The following RS1 variants were observed in gnomAD, a reference collection of about 807,000 sequenced individuals.
RS1 encodes retinoschisin.
RS1 carries 2 observed loss-of-function variants against 20.8 expected under a neutral mutation model. The observed-to-expected ratio is 0.10, with a 90% CI of 0.04 to 0.30. The LOEUF is 0.30. Ranked by LOEUF, RS1 falls within the 10% of genes least tolerant of loss-of-function variation. The probability of loss-of-function intolerance (pLI) is 1.00; values close to 1 mark genes in which losing one functional copy is unlikely to be tolerated. For missense variants in RS1, 151 were observed against 189.8 expected, an observed-to-expected ratio of 0.80 and a Z score of 1.20; for synonymous variants, 70 against 75.8, an observed-to-expected ratio of 0.92 and a Z score of 0.40.
At chrX:18,665,250 G>A (rs1928385466) in intron 1 of RS1, among the ~76,000 whole-genome samples, 1 of 112,258 alleles carries the variant, frequency 8.9e-6, no homozygotes, top group African/African-American at 3.2e-5. Context: ...GAGGCAGTGA[G>A]GTGCAAACCT....
At position 18,654,733 on chromosome X, in the gene RS1, G is replaced by A. The variant is rs776477297; in HGVS notation, c.184+1920C>T. On this transcript the variant is annotated intron_variant, in intron 3 of 5. Coordinates refer to ENST00000379984, the MANE Select transcript of RS1 (RefSeq NM_000330.4). ...GGATGTCTGATAGGAAAAGCCCACC[G>A]GTTTCCTCACGATTGGGACCCCATA... 9.0e-5 allele frequency among the ~76,000 whole-genome samples: 10 copies of A among 111,673 alleles called. No individual in the cohort carries two copies. In the East Asian group the frequency reaches 2.8e-3, roughly 31 times the overall value.
intron 3 of RS1, among the ~76,000 whole-genome samples, chrX:18,651,552 T>C (rs1443723108): frequency 2.7e-5 from 3 of 110,584 alleles, no homozygotes; most frequent in Non-Finnish European, 5.7e-5. Flanking sequence ...CTTGGGAAGG[T>C]CCCTCGGACT....
At chrX:18,645,525 G>T (rs1415268743) in intron 4 of RS1, among the ~76,000 whole-genome samples, 1 of 108,862 alleles carries the variant, frequency 9.2e-6, no homozygotes, top group Non-Finnish European at 1.9e-5. Context: ...ACCATCCTGG[G>T]CCCCTCCTCT....
chrX:18,646,528 C>T (rs1256832712), intron 4 of RS1, among the ~76,000 whole-genome samples: 1 of 112,515 alleles, frequency 8.9e-6, no homozygotes, highest in African/African-American at 3.2e-5. Flanking sequence ...CTCTTTGTTA[C>T]AACAGCATGA....
chrX:18,670,206 G>A (rs941961466), intron 1 of RS1, among the ~76,000 whole-genome samples: 3 of 105,039 alleles, frequency 2.9e-5, no homozygotes, highest in Admixed American at 1.1e-4. Flanking sequence ...AAACAAGGAT[G>A]CCCTGCATGT....
chrX:18,654,774 A>C (rs188939564), intron 3 of RS1, among the ~76,000 whole-genome samples: 2 of 112,017 alleles, frequency 1.8e-5, no homozygotes, highest in Non-Finnish European at 3.8e-5. Context: ...CTTGGAAAAC[A>C]AACTTAGTTC....
chrX:18,661,294 A>T (rs1928303498), intron 1 of RS1, among the ~76,000 whole-genome samples: 1 of 111,224 alleles, frequency 9.0e-6, no homozygotes, highest in Admixed American at 9.6e-5. Context: ...CATGCAAGGG[A>T]GGTGTGGTTC....
chrX:18,667,370 C>A (rs1309583164), intron 1 of RS1, among the ~76,000 whole-genome samples: 1 of 110,576 alleles, frequency 9.0e-6, no homozygotes, highest in Admixed American at 9.6e-5. Flanking sequence ...GGTGGTGAAA[C>A]CCTGTCTCTA....
At chrX:18,655,484 G>A (rs1249781398) in intron 3 of RS1, among the ~76,000 whole-genome samples, 24 of 111,920 alleles carry the variant, frequency 2.1e-4, no homozygotes, top group Non-Finnish European at 1.3e-4. Flanking sequence ...TAAATCAGCT[G>A]CAGAACAAAT....
chrX:18,652,253 G>A (rs1056406445), intron 3 of RS1, among the ~76,000 whole-genome samples: 4 of 111,792 alleles, frequency 3.6e-5, no homozygotes, highest in Non-Finnish European at 3.8e-5. Context: ...ATGGCATTTC[G>A]AAACAGGCAG....
intron 1 of RS1, among the ~76,000 whole-genome samples, chrX:18,662,779 C>T (rs1928336493): frequency 9.1e-6 from 1 of 109,628 alleles, no homozygotes; most frequent in Admixed American, 9.8e-5. Flanking sequence ...AGGCGCCCGC[C>T]ACCACACCCG....
Position 18,646,090 on chromosome X carries a change from G to A in RS1, c.326+1101C>T. On this transcript the variant is annotated intron_variant, in intron 4 of 5. Coordinates refer to ENST00000379984, the MANE Select transcript of RS1 (RefSeq NM_000330.4). ...CATGTTAAGGACGACAGAACAACAA[G>A]GTAGAGTCTGGGCCCCGCATGCCAT... The A allele has an allele frequency of 8.3e-7, 1 of 1,211,934 alleles. No individual in the cohort carries two copies. Among genetic ancestry groups the A allele is most frequent in the Non-Finnish European group, 1.1e-6 (1 of 895,541 alleles).
At chrX:18,656,553 GGGGGTAGCGTTCA>G (rs1259827937) in intron 3 of RS1, 87 bp downstream of exon 3, 2 of 616,740 alleles carry the variant, frequency 3.2e-6, no homozygotes, top group Non-Finnish European at 5.7e-6. Flanking sequence ...TTCTAAAGAT[GGGGGTAGCGTTCA>G]GGGGGTTAAT....
At chrX:18,659,430 C>G (rs1015174760) in intron 1 of RS1, among the ~76,000 whole-genome samples, 3 of 111,300 alleles carry the variant, frequency 2.7e-5, no homozygotes, top group Non-Finnish European at 5.6e-5. Context: ...TGCACCACTG[C>G]ACTCCAGTCT....
At chrX:18,670,720 G>A (rs757692909) in intron 1 of RS1, among the ~76,000 whole-genome samples, 21 of 111,472 alleles carry the variant, frequency 1.9e-4, no homozygotes, top group Non-Finnish European at 3.6e-4. Context: ...TCTTGCTGAG[G>A]AAAGAGGAGG....
In RS1 at chrX:18,663,549, T is replaced by A. The variant is rs1324013636; in HGVS notation, c.53-5884A>T. Among the ~76,000 whole-genome samples the A allele has an allele frequency of 4.5e-5, 5 of 109,904 alleles. No individual in the cohort carries two copies. In the Admixed American group the frequency reaches 4.9e-4, roughly 11 times the overall value. On this transcript the variant is annotated intron_variant, in intron 1 of 5. Coordinates refer to ENST00000379984, the MANE Select transcript of RS1 (RefSeq NM_000330.4). The stretch of plus-strand genomic sequence containing the variant: ...TTATAGAGATGGAGGTCTCACTATG[T>A]TGCCCAGGCTGGTCTTGAGCTCCTG...
At chrX:18,651,671 G>A (rs1382810383) in intron 3 of RS1, among the ~76,000 whole-genome samples, 3 of 111,354 alleles carry the variant, frequency 2.7e-5, no homozygotes, top group African/African-American at 9.8e-5. Context: ...GTCTAAATAG[G>A]GAGAAAAGAC....
chrX:18,668,449 G>A, intron 1 of RS1, among the ~76,000 whole-genome samples: 1 of 112,670 alleles, frequency 8.9e-6, no homozygotes, highest in Non-Finnish European at 1.9e-5. Context: ...ACCAACCATA[G>A]AGCGTTCCTT....
chrX:18,648,071 T>A (rs1927862066), intron 3 of RS1, among the ~76,000 whole-genome samples: 1 of 110,864 alleles, frequency 9.0e-6, no homozygotes. Context: ...GCACGGTGAC[T>A]CATGCCTGTA....
Sources: allele counts gnomAD v4.1 joint callset (sites outside exome capture counted in the v4.1 genomes callset), GRCh38; gene constraint gnomAD v4.1.1; transcripts MANE v1.5; gene names NCBI Gene and HGNC (gene_info 2026-07-23, HGNC 2026-07-21).